The following G2E3 variants were observed in gnomAD, a reference collection of about 807,000 sequenced individuals.
G2E3 encodes the protein G2/M phase-specific E3 ubiquitin-protein ligase.
A neutral mutation model predicts 92.8 loss-of-function variants in G2E3; 35 were observed. The ratio of observed to expected loss-of-function variants is 0.38; its 90% CI spans 0.29 to 0.50. The LOEUF (loss-of-function observed/expected upper bound fraction) is 0.50, where lower values mean the gene tolerates loss of function less well. Ranked by LOEUF, G2E3 falls within the 20% of genes least tolerant of loss-of-function variation. The probability of loss-of-function intolerance (pLI) is 0.94; values close to 1 mark genes in which losing one functional copy is unlikely to be tolerated. For synonymous variants in G2E3, 242 were observed against 272.4 expected (o/e 0.89, Z 1.10); for missense variants, 554 against 823.8 (o/e 0.67, Z 4.01).
intron 2 of G2E3, among the ~76,000 whole-genome samples, chr14:30,583,531 A>C (rs1403708802): frequency 1.3e-5 from 2 of 152,186 alleles, no homozygotes; most frequent in African/African-American, 4.8e-5. Context: ...GGATTGGGAG[A>C]TGTTGGTGAA....
rs757655708 is a variant in G2E3, at chr14:30,602,025, G to A, written c.904G>A (p.Val302Ile). 3 of 1,611,926 alleles carry A rather than the reference G, an allele frequency of 1.9e-6. No individual in the cohort carries two copies. The highest frequency in any genetic ancestry group is 3.3e-5 in the Admixed American group (2 of 59,896). ...SGEFQKAKKHVLPNSNNVGIT... is the reference protein window; with the variant it reads ...SGEFQKAKKHILPNSNNVGIT... ...AGAGTTCCAAAAAGCCAAAAAACAT[G>A]TATTACCCAATTCTAATAATGTGGG... Residue 302 changes from valine (V) to isoleucine (I), a missense_variant, in exon 10 of 15, where the codon GTA (valine) becomes ATA (isoleucine). By Grantham distance (29) the Val-to-Ile change is conservative. Transcript: ENST00000206595.
chr14:30,614,790 A>G (rs764647673), intron 13 of G2E3, among the ~76,000 whole-genome samples: 9 of 152,130 alleles, frequency 5.9e-5, no homozygotes, highest in Non-Finnish European at 1.0e-4. Flanking sequence ...TGTTACTTGC[A>G]TTTCTTTTGT....
intron 1 of G2E3, chr14:30,559,890 T>C (rs551178845): frequency 2.6e-5 from 4 of 152,302 alleles, no homozygotes; most frequent in East Asian, 1.9e-4. Context: ...ACATTTTTCA[T>C]GTACCGCAAA....
chr14:30,601,479 A>G (rs1476737282), intron 8 of G2E3, among the ~76,000 whole-genome samples: 4 of 151,880 alleles, frequency 2.6e-5, no homozygotes, highest in Admixed American at 6.6e-5. Flanking sequence ...AGGAAAATTT[A>G]TTTTCTCCCT....
intron 2 of G2E3, among the ~76,000 whole-genome samples, chr14:30,584,374 G>C (rs1037300450): frequency 2.6e-5 from 4 of 152,162 alleles, no homozygotes; most frequent in African/African-American, 9.7e-5. Flanking sequence ...TCTGTTTTCA[G>C]TTCTTTGGTA....
chr14:30,571,143 A>T (rs1594465880), intron 1 of G2E3, among the ~76,000 whole-genome samples: 1 of 148,260 alleles, frequency 6.7e-6, no homozygotes, highest in East Asian at 2.0e-4. Context: ...TTTTTGTGAG[A>T]CAAGTATTCT....
intron 8 of G2E3, among the ~76,000 whole-genome samples, chr14:30,599,165 G>A (rs1199930783): frequency 6.6e-6 from 1 of 151,960 alleles, no homozygotes; most frequent in Non-Finnish European, 1.5e-5. Flanking sequence ...ATTTTTATAA[G>A]AACACCAGTC....
At chr14:30,589,074 C>G (rs1880869231) in intron 3 of G2E3, among the ~76,000 whole-genome samples, 1 of 151,686 alleles carries the variant, frequency 6.6e-6, no homozygotes, top group Non-Finnish European at 1.5e-5. Context: ...TTTTTTTCTT[C>G]CTCTAACCCA....
intron 3 of G2E3, among the ~76,000 whole-genome samples, chr14:30,587,402 T>TTACC (rs1390600667): frequency 6.6e-6 from 1 of 152,208 alleles, no homozygotes; most frequent in African/African-American, 2.4e-5. Flanking sequence ...TAGTGGCACA[T>TTACC]TACCACCTTA....
In G2E3 at chr14:30,582,209, T is replaced by C. The variant is rs188098433; in HGVS notation, c.37+1093T>C. 2.0e-5 allele frequency among the ~76,000 whole-genome samples: 3 copies of C among 152,332 alleles called. No homozygotes were observed. The East Asian group carries it at 5.8e-4, about 29-fold the overall frequency. On this transcript the variant is annotated intron_variant, in intron 2 of 14. Transcript: ENST00000206595. ...TGGACTGTTTCTTTATTTACATGAATGTATTTAAGGTAGAAACTTTACTTC... is the reference window on the plus strand; with the variant it reads ...TGGACTGTTTCTTTATTTACATGAACGTATTTAAGGTAGAAACTTTACTTC...
intron 1 of G2E3, among the ~76,000 whole-genome samples, chr14:30,572,476 G>T (rs1298440072): frequency 2.0e-5 from 3 of 152,126 alleles, no homozygotes; most frequent in Non-Finnish European, 4.4e-5. Context: ...TCACAGTACA[G>T]TGTGGAAATT....
At chr14:30,603,520 C>T (rs1260361620) in intron 10 of G2E3, among the ~76,000 whole-genome samples, 5 of 152,058 alleles carry the variant, frequency 3.3e-5, no homozygotes, top group Non-Finnish European at 7.3e-5. Context: ...AAATTAGTCG[C>T]TAAGCATGAT....
At chr14:30,591,140 A>G (rs1049189404) in intron 4 of G2E3, among the ~76,000 whole-genome samples, 1 of 152,146 alleles carries the variant, frequency 6.6e-6, no homozygotes, top group Non-Finnish European at 1.5e-5. Flanking sequence ...AACCCTTGAA[A>G]AGAAGAGTCT....
chr14:30,602,930 C>T (rs751014955), intron 10 of G2E3: 3 of 152,128 alleles, frequency 2.0e-5, no homozygotes, highest in Non-Finnish European at 2.9e-5. Flanking sequence ...ATGTTATAAT[C>T]ATTGTTTGCC....
chr14:30,611,985 T>C (rs1458523853), intron 12 of G2E3: 2 of 409,626 alleles, frequency 4.9e-6, no homozygotes, highest in African/African-American at 4.2e-5. Context: ...TAGTTTCACG[T>C]AGTAAAGTGG....
chr14:30,605,522 G>C lies in G2E3; in HGVS notation c.1028G>C (p.Arg343Thr). 7.3e-7 allele frequency: 1 copy of C among 1,371,488 alleles called. No individual in the cohort carries two copies. 85.0% of individuals were successfully genotyped at this position (1,371,488 alleles called of 1,614,324 possible). Residue 343 changes from arginine (R) to threonine (T), a missense_variant, in exon 11 of 15, where the codon AGA becomes ACA. This residue lies in a region of G2E3 where 397 missense variants were observed against 560.3 expected (regional missense o/e 0.71). Coordinates refer to ENST00000206595, the MANE Select transcript of G2E3 (RefSeq NM_017769.5). Reference sequence around the variant, plus strand: ...TTTTATAGGCAAGGCAGCAAATTTAGAAGAAATGTATCAACACTATTAATA... The same window carrying C: ...TTTTATAGGCAAGGCAGCAAATTTACAAGAAATGTATCAACACTATTAATA... ...KDLLRQGSKFRRNVSTLLIEL... is the reference protein window; with the variant it reads ...KDLLRQGSKFTRNVSTLLIEL...
intron 4 of G2E3, 91 bp downstream of exon 4, chr14:30,589,575 G>T: frequency 2.9e-6 from 2 of 685,660 alleles, no homozygotes; most frequent in Non-Finnish European, 5.1e-6. Context: ...AGAAATTTAT[G>T]ACTTTGATTA....
chr14:30,598,133 C>A (rs1374624051), intron 7 of G2E3: 4 of 200,158 alleles, frequency 2.0e-5, no homozygotes, highest in Non-Finnish European at 2.1e-5. Flanking sequence ...GTAATCCCTC[C>A]CCTCACTTTG....
chr14:30,612,023 G>T (rs1270010769), intron 12 of G2E3, 184 bp from the exon 13 acceptor site: 2 of 514,156 alleles, frequency 3.9e-6, no homozygotes, highest in Non-Finnish European at 7.0e-6. Flanking sequence ...CTTGAAGGCA[G>T]AAATAGACAA....
Sources: gnomAD v4.1 joint callset for allele counts (sites outside exome capture counted in the v4.1 genomes callset) on GRCh38, gnomAD v4.1.1 for gene constraint, gnomAD v4.1.1 regional missense constraint, MANE v1.5 for transcripts, NCBI Gene and HGNC (gene_info 2026-07-23, HGNC 2026-07-21) for gene names.